The following DLG2 variants were observed in gnomAD, a reference collection of about 807,000 sequenced individuals.
The protein encoded by DLG2 is disks large homolog 2.
A neutral mutation model predicts 132.5 loss-of-function variants in DLG2; 45 were observed. The ratio of observed to expected loss-of-function variants is 0.34; its 90% CI spans 0.27 to 0.44. DLG2 has a LOEUF of 0.44. DLG2 is among the 20% of genes least tolerant of loss of function. DLG2 has a pLI of 1.00. For missense variants in DLG2, 1,045 were observed against 1,196.9 expected, an observed-to-expected ratio of 0.87 and a Z score of 1.87; for synonymous variants, 424 against 419.6, an observed-to-expected ratio of 1.01 and a Z score of -0.13.
At chr11:84,498,479 G>T (rs2099192107) in intron 7 of DLG2, among the ~76,000 whole-genome samples, 1 of 151,928 alleles carries the variant, frequency 6.6e-6, no homozygotes, top group South Asian at 2.1e-4. Flanking sequence ...ACATTCTAAG[G>T]TTCTCTTAAG....
intron 15 of DLG2, among the ~76,000 whole-genome samples, chr11:83,882,553 G>C (rs560850014): frequency 7.6e-4 from 115 of 152,190 alleles, no homozygotes; most frequent in African/African-American, 2.7e-3. Context: ...GCAATGACGT[G>C]GTGACTCAAA....
chr11:85,616,363 A>C (rs2081339715), intron 2 of DLG2, among the ~76,000 whole-genome samples: 1 of 152,244 alleles, frequency 6.6e-6, no homozygotes, highest in African/African-American at 2.4e-5. Flanking sequence ...GAAGGATTAC[A>C]TGATTTTCAC....
intron 6 of DLG2, among the ~76,000 whole-genome samples, chr11:84,658,476 C>A (rs938123038): frequency 6.6e-6 from 1 of 152,030 alleles, no homozygotes; most frequent in Non-Finnish European, 1.5e-5. Context: ...CTGTAGAGGG[C>A]TCCTGATATG....
At chr11:83,615,893 C>T (rs527972625) in intron 19 of DLG2, among the ~76,000 whole-genome samples, 2 of 152,108 alleles carry the variant, frequency 1.3e-5, no homozygotes, top group South Asian at 4.2e-4. Context: ...CTGGTGAGAC[C>T]CATAGTGGAC....
At chr11:84,133,289 G>A (rs759420721) in intron 9 of DLG2, among the ~76,000 whole-genome samples, 10 of 151,978 alleles carry the variant, frequency 6.6e-5, no homozygotes, top group Non-Finnish European at 1.2e-4. Flanking sequence ...GGCAACCAGA[G>A]GAGGAAATAT....
chr11:84,056,518 C>T (rs1406986377), intron 11 of DLG2, among the ~76,000 whole-genome samples: 2 of 152,146 alleles, frequency 1.3e-5, no homozygotes, highest in Non-Finnish European at 2.9e-5. Flanking sequence ...TTTAAACTTT[C>T]TGAGGACAGA....
intron 6 of DLG2, among the ~76,000 whole-genome samples, chr11:84,635,966 C>T (rs1218449190): frequency 6.6e-6 from 1 of 152,146 alleles, no homozygotes; most frequent in African/African-American, 2.4e-5. Context: ...AAATGAGAAA[C>T]AGTGAAAAGC....
rs75185787 is a variant in DLG2, at chr11:84,455,688, C to T, written c.519+78882G>A. On this transcript the variant is annotated intron_variant, in intron 7 of 27. Transcript: ENST00000376104. The stretch of plus-strand genomic sequence containing the variant: ...GATCATACATACAACACATACTAGA[C>T]TTTTATTCTACTTTTCATTGGGCAT... Among the ~76,000 whole-genome samples the T allele has an allele frequency of 3.9e-3, 585 of 151,368 alleles. 4 individuals carry two copies. The highest frequency in any genetic ancestry group is 0.014 in the African/African-American group (564 of 41,402).
intron 18 of DLG2, among the ~76,000 whole-genome samples, chr11:83,753,524 G>T (rs2093429150): frequency 6.6e-6 from 1 of 151,420 alleles, no homozygotes; most frequent in African/African-American, 2.4e-5. Context: ...TAGCATAGTA[G>T]ATGTTTATTT....
Position 83,750,155 on chromosome 11 carries a change from C to T in DLG2, c.1825+36535G>A, listed in dbSNP as rs182767746. Among the ~76,000 whole-genome samples the T allele has an allele frequency of 2.6e-5, 4 of 152,218 alleles. No homozygotes were observed. In the East Asian group the frequency reaches 7.7e-4, roughly 29 times the overall value. On this transcript the variant is annotated intron_variant, in intron 18 of 27. Coordinates refer to ENST00000376104, the MANE Select transcript of DLG2 (RefSeq NM_001142699.3). ...TTAAGTTAAAGCATCAAGAGGAACC[C>T]CCAAGATTCCCATCTGAAGCAGCTC...
chr11:84,747,727 A>C (rs770451155), intron 6 of DLG2, among the ~76,000 whole-genome samples: 4 of 151,820 alleles, frequency 2.6e-5, no homozygotes. Context: ...ATTAAAATCT[A>C]AAAATATTTT....
At chr11:84,931,328 T>C (rs148733885) in intron 6 of DLG2, among the ~76,000 whole-genome samples, 2 of 152,244 alleles carry the variant, frequency 1.3e-5, no homozygotes, top group Non-Finnish European at 2.9e-5. Context: ...TTTTCTGATA[T>C]ATGAAATTGA....
At chr11:84,776,289 C>A (rs940978742) in intron 6 of DLG2, among the ~76,000 whole-genome samples, 10 of 152,040 alleles carry the variant, frequency 6.6e-5, no homozygotes, top group African/African-American at 2.2e-4. Context: ...GTAGCTGGGG[C>A]CACAGGCACA....
intron 19 of DLG2, among the ~76,000 whole-genome samples, chr11:83,561,322 T>A (rs1450894295): frequency 6.6e-6 from 1 of 152,102 alleles, no homozygotes; most frequent in Non-Finnish European, 1.5e-5. Flanking sequence ...GCAGAGGCTA[T>A]TTGGAGGACA....
At chr11:85,055,348 T>TA (rs1324003257) in intron 6 of DLG2, among the ~76,000 whole-genome samples, 2 of 152,260 alleles carry the variant, frequency 1.3e-5, no homozygotes, top group East Asian at 1.9e-4. Context: ...GGATGGATTA[T>TA]AAAAAATATT....
chr11:85,410,806 G>A (rs1376713770), intron 3 of DLG2, among the ~76,000 whole-genome samples: 1 of 151,938 alleles, frequency 6.6e-6, no homozygotes, highest in East Asian at 1.9e-4. Flanking sequence ...CTGAGTAGGA[G>A]TCTGTATTAA....
chr11:85,151,912 T>C (rs2077282621), intron 5 of DLG2, among the ~76,000 whole-genome samples: 1 of 152,176 alleles, frequency 6.6e-6, no homozygotes. Flanking sequence ...ATGGGAAGCA[T>C]TTAATGTAAA....
chr11:84,427,356 A>G (rs920276155), intron 7 of DLG2, among the ~76,000 whole-genome samples: 1 of 152,208 alleles, frequency 6.6e-6, no homozygotes, highest in African/African-American at 2.4e-5. Context: ...AAAGGTGGTT[A>G]TCACCATTTT....
At chr11:84,616,058 A>G (rs907235717) in intron 6 of DLG2, among the ~76,000 whole-genome samples, 4 of 151,982 alleles carry the variant, frequency 2.6e-5, no homozygotes, top group Non-Finnish European at 5.9e-5. Flanking sequence ...AAGTACTATG[A>G]AAAGTAAAAA....
Sources: allele counts gnomAD v4.1 joint callset (sites outside exome capture counted in the v4.1 genomes callset), GRCh38; gene constraint gnomAD v4.1.1; transcripts MANE v1.5; gene names NCBI Gene and HGNC (gene_info 2026-07-23, HGNC 2026-07-21).